The following ZC3H7B variants were observed in gnomAD, a reference collection of about 807,000 sequenced individuals.
The protein encoded by ZC3H7B is zinc finger CCCH-type containing 7B, also known as zinc finger CCCH domain-containing protein 7B.
In ZC3H7B, 35 loss-of-function variants were observed where a neutral mutation model predicts 116.0. That is an observed-to-expected ratio of 0.30 (90% confidence interval 0.23 to 0.40). The LOEUF (loss-of-function observed/expected upper bound fraction) is 0.40. ZC3H7B is among the 10% of genes least tolerant of loss of function. The pLI is 1.00. For synonymous variants in ZC3H7B, 502 were observed against 545.6 expected (o/e 0.92, Z 1.11); for missense variants, 1,011 against 1,321.5 (o/e 0.77, Z 3.64).
intron 13 of ZC3H7B, among the ~76,000 whole-genome samples, chr22:41,344,071 C>A (rs909991260): frequency 6.6e-6 from 1 of 152,200 alleles, no homozygotes; most frequent in African/African-American, 2.4e-5. Flanking sequence ...CCATCATGTC[C>A]CTGACTAGCT....
At position 41,343,433 on chromosome 22, in the gene ZC3H7B, A is replaced by G. The variant is rs773070264; in HGVS notation, c.1316A>G (p.Tyr439Cys). 3 of 1,612,480 alleles carry G rather than the reference A, an allele frequency of 1.9e-6. No individual in the cohort carries two copies. Among genetic ancestry groups the G allele is most frequent in the Admixed American group, 1.7e-5 (1 of 59,948 alleles). The change falls in exon 13 of 23, where the codon TAC becomes TGC. Residue 439 changes from tyrosine to cysteine, a missense_variant. By Grantham distance (194) the Tyr-to-Cys change is radical (BLOSUM62 -2). Transcript: ENST00000352645. ...CCCATAGGCCCCCGGGCTGGCGACT[A>G]CACCTACCGTGAGGGCCTTGAGCAC... ...YPKTGPRAGD[Y>C]TYREGLEHKC... is the part of the protein sequence containing the mutation.
At chr22:41,330,142 G>GT (rs757744733) in intron 6 of ZC3H7B, 39 bp downstream of exon 6, 58 of 1,609,104 alleles carry the variant, frequency 3.6e-5, no homozygotes, top group Non-Finnish European at 4.8e-5. Flanking sequence ...CGGTGTGGAC[G>GT]TGAGGAGGTC....
chr22:41,340,712 T>C (rs892637856), intron 10 of ZC3H7B, among the ~76,000 whole-genome samples: 1 of 152,074 alleles, frequency 6.6e-6, no homozygotes, highest in Non-Finnish European at 1.5e-5. Context: ...GAAGGAAAAG[T>C]TCACCTGCCA....
chr22:41,304,034 G>A (rs1475376121), intron 1 of ZC3H7B, among the ~76,000 whole-genome samples: 1 of 152,046 alleles, frequency 6.6e-6, no homozygotes, highest in Non-Finnish European at 1.5e-5. Flanking sequence ...TGGGATTACA[G>A]GCGTGAGCCA....
At chr22:41,312,261 G>A (rs1208417685) in intron 1 of ZC3H7B, among the ~76,000 whole-genome samples, 4 of 151,696 alleles carry the variant, frequency 2.6e-5, no homozygotes, top group African/African-American at 9.7e-5. Flanking sequence ...GAGTCCAGGT[G>A]TTCAAGACCA....
intron 16 of ZC3H7B, among the ~76,000 whole-genome samples, chr22:41,350,594 A>G (rs1277386704): frequency 1.3e-5 from 2 of 152,090 alleles, no homozygotes; most frequent in Non-Finnish European, 2.9e-5. Flanking sequence ...GACAAAGGAG[A>G]GCGTCAAGGT....
At chr22:41,325,652 G>C (rs2036308665) in intron 3 of ZC3H7B, 55 bp downstream of exon 3, 1 of 1,608,698 alleles carries the variant, frequency 6.2e-7, no homozygotes, top group Admixed American at 1.7e-5. Context: ...GTGCAGGGGA[G>C]AGGCGTGGGC....
chr22:41,345,539 C>T (rs1235254900), intron 13 of ZC3H7B, among the ~76,000 whole-genome samples: 1 of 152,060 alleles, frequency 6.6e-6, no homozygotes, highest in Non-Finnish European at 1.5e-5. Flanking sequence ...GAGCTGAAAT[C>T]GTGCCATTGC....
At chr22:41,335,888 G>A (rs1175580276) in intron 7 of ZC3H7B, 2 of 153,152 alleles carry the variant, frequency 1.3e-5, no homozygotes, top group Non-Finnish European at 2.9e-5. Context: ...CAGGGCGCCT[G>A]GACCGAGGGC....
chr22:41,308,494 G>A (rs775727402), intron 1 of ZC3H7B, among the ~76,000 whole-genome samples: 4 of 152,170 alleles, frequency 2.6e-5, no homozygotes, highest in Non-Finnish European at 5.9e-5. Context: ...ATCAGGGGTT[G>A]TAGTTATGAT....
At chr22:41,305,760 G>C (rs1250552705) in intron 1 of ZC3H7B, among the ~76,000 whole-genome samples, 1 of 152,128 alleles carries the variant, frequency 6.6e-6, no homozygotes, top group African/African-American at 2.4e-5. Flanking sequence ...GCTGGGTGCC[G>C]GCCCAGCACC....
chr22:41,342,467 C>T, intron 11 of ZC3H7B, 62 bp from the exon 12 acceptor site: 1 of 1,529,968 alleles, frequency 6.5e-7, no homozygotes. Flanking sequence ...GGTGCCCTGG[C>T]TGGCCCCAGT....
intron 2 of ZC3H7B, among the ~76,000 whole-genome samples, chr22:41,325,332 T>C (rs928386696): frequency 6.6e-6 from 1 of 151,980 alleles, no homozygotes; most frequent in African/African-American, 2.4e-5. Context: ...GTCTGCTCTT[T>C]CTCAACACCT....
Position 41,357,206 on chromosome 22 carries a change from G to A in ZC3H7B, c.2711G>A (p.Gly904Glu). The A allele has an allele frequency of 6.2e-7, 1 of 1,613,592 alleles. No homozygotes were observed. The highest frequency in any genetic ancestry group is 1.1e-5 in the South Asian group (1 of 91,082). The change falls in exon 23 of 23, where the codon GGG (glycine) becomes GAG (glutamate). Residue 904 changes from glycine to glutamate, a missense_variant. Around this residue, in one of 5 missense-constraint regions of ZC3H7B, gnomAD observed 406 missense variants for 590.2 expected, o/e 0.69. Transcript: ENST00000352645. This position sits in a 1 kb window ranked among gnomAD's most constrained non-coding sequence, Gnocchi z 5.4. ...RLQKGKACPD[G>E]DKCRCAHGQE... ...CAGAAGGGCAAAGCCTGCCCAGATG[G>A]GGACAAGTGCCGCTGCGCCCATGGA...
At chr22:41,328,999 C>T (rs1261050035) in intron 5 of ZC3H7B, among the ~76,000 whole-genome samples, 12 of 120,212 alleles carry the variant, frequency 1.0e-4, no homozygotes, top group Non-Finnish European at 1.6e-4. Context: ...CCAGCCTGGC[C>T]AACATGGTGA....
chr22:41,357,345 C>A lies in ZC3H7B; in HGVS notation c.2850C>A (p.Asn950Lys). 6.2e-7 allele frequency: 1 copy of A among 1,613,682 alleles called. No individual in the cohort carries two copies. ...CPRDDDFGKY[N>K]FLLQEDGDLA... The stretch of plus-strand genomic sequence containing the variant: ...GGGACGACGACTTTGGCAAATACAA[C>A]TTCCTGCTGCAAGAGGACGGGGACC... Residue 950 changes from asparagine (N) to lysine (K), a missense_variant, in exon 23 of 23, where the codon AAC (asparagine) becomes AAA (lysine). By Grantham distance (94) the Asn-to-Lys change is moderately conservative. Transcript: ENST00000352645. This position sits in a 1 kb window ranked among gnomAD's most constrained non-coding sequence, Gnocchi z 5.4.
At chr22:41,334,443 T>C (rs1409079854) in intron 7 of ZC3H7B, 1 of 152,318 alleles carries the variant, frequency 6.6e-6, no homozygotes, top group African/African-American at 2.4e-5. Flanking sequence ...GATGGTGCCA[T>C]ACCTGGCACC....
rs1226680797 is a variant in ZC3H7B at position 41,302,533 on chromosome 22, C to T, written c.-7+761C>T. ...CTCTGGCGCCTGGGGACGGGGGCGC[C>T]CTGACGGGGCTGGGGGCCTGGGAGC... On this transcript the variant is annotated intron_variant, in intron 1 of 22. Transcript: ENST00000352645. The surrounding 1 kb of genome is among the most constrained non-coding windows in gnomAD (Gnocchi z 5.7). 6.6e-6 allele frequency among the ~76,000 whole-genome samples: 1 copy of T among 152,104 alleles called. No individual in the cohort carries two copies. Among genetic ancestry groups the T allele is most frequent in the African/African-American group, 2.4e-5 (1 of 41,434 alleles).
intron 2 of ZC3H7B, among the ~76,000 whole-genome samples, chr22:41,321,755 T>G (rs1056217522): frequency 1.3e-5 from 2 of 151,842 alleles, no homozygotes; most frequent in Non-Finnish European, 2.9e-5. Context: ...AGCAACTTGT[T>G]TAAGGTCATG....
Sources: allele counts gnomAD v4.1 joint callset (sites outside exome capture counted in the v4.1 genomes callset), GRCh38; gene constraint gnomAD v4.1.1; regional missense constraint gnomAD v4.1.1; non-coding constraint Gnocchi (gnomAD v3.1); transcripts MANE v1.5; gene names NCBI Gene and HGNC (gene_info 2026-07-23, HGNC 2026-07-21).